The following RAD51AP2 variants were observed in gnomAD, a reference collection of about 807,000 sequenced individuals.
RAD51AP2 encodes RAD51 associated protein 2.
In RAD51AP2, 67 loss-of-function variants were observed where a neutral mutation model predicts 85.5. The observed-to-expected ratio is 0.78, with a 90% CI of 0.64 to 0.96. The LOEUF (loss-of-function observed/expected upper bound fraction) is 0.96. Ranked by LOEUF, RAD51AP2 falls within the 40% of genes least tolerant of loss-of-function variation. The pLI is 0.00. For missense variants in RAD51AP2, 1,307 were observed against 1,332.4 expected, an observed-to-expected ratio of 0.98 and a Z score of 0.30; for synonymous variants, 474 against 446.5, an observed-to-expected ratio of 1.06 and a Z score of -0.78.
chr2:17,520,094 T>A (rs1215647812), upstream of RAD51AP2, among the ~76,000 whole-genome samples: 1 of 152,128 alleles, frequency 6.6e-6, no homozygotes, highest in Non-Finnish European at 1.5e-5. Flanking sequence ...AGGATTAAAA[T>A]TCAAATAAAA....
intron 1 of RAD51AP2, 29 bp downstream of exon 1, chr2:17,515,140 G>A (rs1443929526): frequency 6.7e-7 from 1 of 1,501,748 alleles, no homozygotes. Context: ...TCTAGCATGA[G>A]AAATAATGTT....
Position 17,515,154 on chromosome 2 carries a change from A to G in RAD51AP2, c.3247+15T>C, listed in dbSNP as rs552525317. On this transcript the variant is annotated intron_variant, in intron 1 of 2. Coordinates refer to ENST00000399080, the MANE Select transcript of RAD51AP2 (RefSeq NM_001099218.3). ...TTCTAGCATGAGAAATAATGTTCTA[A>G]AATGAATTTCATACCTTTCTCAGAA... 1 of 1,531,038 alleles carries G rather than the reference A, an allele frequency of 6.5e-7. No homozygotes were observed. Among genetic ancestry groups the G allele is most frequent in the South Asian group, 1.3e-5 (1 of 75,008 alleles). The allele number at this position is 1,531,038 out of a possible 1,614,324, so 94.8% of individuals were successfully genotyped here. A position where few individuals can be genotyped will look rare whatever the true frequency, so the allele number is the denominator to read the frequency against.
chr2:17,510,805 CA>C lies in RAD51AP2; in HGVS notation c.3478del (p.Ter1160AspfsTer44). ...MCYGNLKENF[*>X] is the part of the protein sequence containing the mutation. Reference sequence around the variant, plus strand: ...GTAAAATGTTTTGAAATATGAAAGTCAAAAATTTTCTTTTAAGTTTCCGTAA... The same window carrying C: ...GTAAAATGTTTTGAAATATGAAAGTCAAAATTTTCTTTTAAGTTTCCGTAA... On this transcript the variant is annotated frameshift_variant and stop_lost, in exon 3 of 3. Coordinates refer to ENST00000399080, the MANE Select transcript of RAD51AP2 (RefSeq NM_001099218.3). LOFTEE classifies it high-confidence loss of function. The C allele has an allele frequency of 6.4e-7, 1 of 1,555,814 alleles. No individual in the cohort carries two copies. Among genetic ancestry groups the C allele is most frequent in the Non-Finnish European group, 8.7e-7 (1 of 1,145,640 alleles).
rs1371173852 is a variant in RAD51AP2, at chr2:17,518,340, G to A, written c.76C>T (p.Pro26Ser). ...PTSSLTPPED[P>S]DSQPPSSKRL... ...TTGCTACTAGGTGGTTGGGAATCCG[G>A]GTCCTCAGGAGGCGTTAAAGAGGAG... Residue 26 changes from proline (P) to serine (S), a missense_variant, in exon 1 of 3, where the codon CCG becomes TCG. Transcript: ENST00000399080. 6.2e-7 allele frequency: 1 copy of A among 1,613,958 alleles called. No individual in the cohort carries two copies. The highest frequency in any genetic ancestry group is 8.5e-7 in the Non-Finnish European group (1 of 1,180,022).
At chr2:17,524,923 G>A in the RAD51AP2 span, among the ~76,000 whole-genome samples, 21 of 151,836 alleles carry the variant, frequency 1.4e-4, no homozygotes, top group Non-Finnish European at 3.0e-4. Context: ...TGTAAAACAG[G>A]ATCTAGGAAG....
At chr2:17,512,604 A>G (rs1572290792) in intron 2 of RAD51AP2, among the ~76,000 whole-genome samples, 1 of 152,164 alleles carries the variant, frequency 6.6e-6, no homozygotes, top group Non-Finnish European at 1.5e-5. Flanking sequence ...TATCCATTTT[A>G]TTATCACAAT....
chr2:17,526,440 C>T, the RAD51AP2 span, among the ~76,000 whole-genome samples: 30 of 151,982 alleles, frequency 2.0e-4, no homozygotes, highest in African/African-American at 7.2e-4. Flanking sequence ...TACTTTTACA[C>T]TCCAAACTGG....
the RAD51AP2 span, among the ~76,000 whole-genome samples, chr2:17,537,527 T>C: frequency 6.6e-6 from 1 of 152,196 alleles, no homozygotes; most frequent in Non-Finnish European, 1.5e-5. Context: ...GACTTTCAAG[T>C]TTTCTTCCAA....
At chr2:17,534,864 C>G in the RAD51AP2 span, among the ~76,000 whole-genome samples, 8 of 152,186 alleles carry the variant, frequency 5.3e-5, no homozygotes, top group East Asian at 1.5e-3. Flanking sequence ...GGAAGACACT[C>G]ATGCTTAAAA....
At chr2:17,527,874 G>T in the RAD51AP2 span, among the ~76,000 whole-genome samples, 1 of 152,126 alleles carries the variant, frequency 6.6e-6, no homozygotes, top group Non-Finnish European at 1.5e-5. Flanking sequence ...AAATGCAGAT[G>T]ATTTCATGTT....
Position 17,510,805 on chromosome 2 carries a change from C to A in RAD51AP2, c.3479G>T (p.Ter1160LeuextTer11). ...GTAAAATGTTTTGAAATATGAAAGT[C>A]AAAAATTTTCTTTTAAGTTTCCGTA... ...MCYGNLKENF* is the reference protein window; with the variant it reads ...MCYGNLKENFL Residue 1160 changes from the stop codon to leucine (L), a stop_lost, in exon 3 of 3, where the codon TGA (stop) becomes TTA (leucine). Coordinates refer to ENST00000399080, the MANE Select transcript of RAD51AP2 (RefSeq NM_001099218.3). 1.9e-6 allele frequency: 3 copies of A among 1,555,818 alleles called. No homozygotes were observed. The highest frequency in any genetic ancestry group is 1.2e-5 in the South Asian group (1 of 82,542).
chr2:17,513,233 T>C (rs887688525), intron 2 of RAD51AP2, among the ~76,000 whole-genome samples: 1 of 140,280 alleles, frequency 7.1e-6, no homozygotes, highest in African/African-American at 2.5e-5. Flanking sequence ...TTCTTTAGTG[T>C]GTGCTTTTTT....
At chr2:17,536,724 CAG>C in the RAD51AP2 span, among the ~76,000 whole-genome samples, 2 of 152,178 alleles carry the variant, frequency 1.3e-5, no homozygotes, top group African/African-American at 4.8e-5. Context: ...AGAGTGAAAT[CAG>C]AGGAGGACTG....
the RAD51AP2 span, among the ~76,000 whole-genome samples, chr2:17,525,062 T>G: frequency 1.3e-5 from 2 of 151,706 alleles, no homozygotes; most frequent in Admixed American, 1.3e-4. Context: ...GGAATAAAGA[T>G]GAATTAATCT....
rs770593200 is a variant in RAD51AP2 at position 17,517,332 on chromosome 2, C to A, written c.1084G>T (p.Asp362Tyr). 3.7e-6 allele frequency: 6 copies of A among 1,613,806 alleles called. No homozygotes were observed. The African/African-American group carries it at 8.0e-5, about 22-fold the overall frequency. ...NCSSIQCNVRDSRKNFAILEN... is the reference protein window; with the variant it reads ...NCSSIQCNVRYSRKNFAILEN... The stretch of plus-strand genomic sequence containing the variant: ...AGTATAGCGAAATTCTTTCTAGAGT[C>A]TCTTACATTACACTGGATACTACTG... Residue 362 changes from aspartate to tyrosine, a missense_variant, in exon 1 of 3, where the codon GAC becomes TAC. This residue lies in a region of RAD51AP2 where 635 missense variants were observed against 643.6 expected (regional missense o/e 0.99). Transcript: ENST00000399080.
chr2:17,537,744 T>A, the RAD51AP2 span, among the ~76,000 whole-genome samples: 4 of 152,280 alleles, frequency 2.6e-5, no homozygotes, highest in South Asian at 8.3e-4. Context: ...ACATGGAGTA[T>A]TTTACACCTG....
At chr2:17,530,837 C>T in the RAD51AP2 span, among the ~76,000 whole-genome samples, 5 of 152,040 alleles carry the variant, frequency 3.3e-5, no homozygotes, top group South Asian at 4.1e-4. Flanking sequence ...GGCATAAAAA[C>T]CAAAGAGTAA....
At position 17,515,445 on chromosome 2, in the gene RAD51AP2, C is replaced by T; in HGVS notation, c.2971G>A (p.Val991Met). The change falls in exon 1 of 3, where the codon GTG becomes ATG. Residue 991 changes from valine (V) to methionine (M), a missense_variant. Physicochemically the swap from Val to Met is conservative, Grantham distance 21 (BLOSUM62 1). Around this residue, in one of 3 missense-constraint regions of RAD51AP2, gnomAD observed 668 missense variants for 671.0 expected, o/e 1.00. Transcript: ENST00000399080. ...ISRENELLST[V>M]ETNNGQENYF... ...TTTTCTTGCCCATTGTTTGTTTCCA[C>T]AGTGCTTAGAAGTTCATTTTCCCTA... The T allele has an allele frequency of 6.2e-7, 1 of 1,613,394 alleles. No individual in the cohort carries two copies. The highest frequency in any genetic ancestry group is 1.1e-5 in the South Asian group (1 of 90,826).
chr2:17,521,564 A>G (rs147392006), upstream of RAD51AP2, among the ~76,000 whole-genome samples: 7 of 152,242 alleles, frequency 4.6e-5, no homozygotes, highest in African/African-American at 1.7e-4. Flanking sequence ...ATCATCACTT[A>G]CTAAAAATAT....
Sources: gnomAD v4.1 joint callset for allele counts (sites outside exome capture counted in the v4.1 genomes callset) on GRCh38, gnomAD v4.1.1 for gene constraint, gnomAD v4.1.1 regional missense constraint, MANE v1.5 for transcripts, NCBI Gene and HGNC (gene_info 2026-07-23, HGNC 2026-07-21) for gene names.